CLNK: variants seen among roughly 807,000 people sequenced by gnomAD.
The protein encoded by CLNK is cytokine dependent hematopoietic cell linker, also known as cytokine-dependent hematopoietic cell linker.
A neutral mutation model predicts 68.6 loss-of-function variants in CLNK; 74 were observed. The ratio of observed to expected loss-of-function variants is 1.08; its 90% CI spans 0.89 to 1.31. The LOEUF (loss-of-function observed/expected upper bound fraction) is 1.31. Ranked by LOEUF, CLNK falls within the 50% of genes most tolerant of loss-of-function variation. The probability of loss-of-function intolerance (pLI) is 0.00; values close to 1 mark genes in which losing one functional copy is unlikely to be tolerated. For synonymous variants in CLNK, 198 were observed against 172.2 expected (o/e 1.15, Z -1.17); for missense variants, 553 against 515.3 (o/e 1.07, Z -0.71).
At chr4:10,643,790 C>G (rs540726449) in intron 2 of CLNK, among the ~76,000 whole-genome samples, 73 of 152,320 alleles carry the variant, frequency 4.8e-4, no homozygotes, top group African/African-American at 1.7e-3. Flanking sequence ...GAAATTCCAC[C>G]ATGACATCTT....
intron 2 of CLNK, among the ~76,000 whole-genome samples, chr4:10,635,587 G>A (rs1205110514): frequency 6.6e-6 from 1 of 152,132 alleles, no homozygotes; most frequent in Non-Finnish European, 1.5e-5. Flanking sequence ...GCAAAAAAAT[G>A]GAAGAGAGCG....
chr4:10,642,728 A>C (rs1201392056), intron 2 of CLNK, among the ~76,000 whole-genome samples: 1 of 152,240 alleles, frequency 6.6e-6, no homozygotes, highest in Non-Finnish European at 1.5e-5. Flanking sequence ...GTGCACTGTC[A>C]TTTAATAGCT....
chr4:10,665,587 C>T (rs558529575), intron 2 of CLNK, among the ~76,000 whole-genome samples: 8 of 145,618 alleles, frequency 5.5e-5, no homozygotes, highest in East Asian at 4.0e-4. Context: ...TCACTTGAAC[C>T]AGGGAGTTGG....
At chr4:10,720,318 G>A in the CLNK span, among the ~76,000 whole-genome samples, 1 of 151,724 alleles carries the variant, frequency 6.6e-6, no homozygotes, top group Non-Finnish European at 1.5e-5. Context: ...GACAAAAAAC[G>A]AACACAAATT....
intron 2 of CLNK, among the ~76,000 whole-genome samples, chr4:10,620,656 C>T (rs183926501): frequency 7.2e-5 from 11 of 152,250 alleles, no homozygotes; most frequent in Admixed American, 5.2e-4. Flanking sequence ...CCTTCTTTAG[C>T]GTGGGGTGCC....
chr4:10,527,855 T>C (rs1255562937), intron 13 of CLNK, among the ~76,000 whole-genome samples: 1 of 152,174 alleles, frequency 6.6e-6, no homozygotes, highest in Non-Finnish European at 1.5e-5. Context: ...GAAAGACATC[T>C]GGCCTATCCT....
intron 2 of CLNK, chr4:10,598,723 C>T (rs1225529673): frequency 4.8e-6 from 2 of 420,546 alleles, no homozygotes; most frequent in Non-Finnish European, 9.6e-6. Context: ...TTATGCATTC[C>T]TAGTTCATTT....
intron 3 of CLNK, among the ~76,000 whole-genome samples, chr4:10,593,490 A>G (rs1721267232): frequency 6.6e-6 from 1 of 152,090 alleles, no homozygotes; most frequent in Admixed American, 6.5e-5. Flanking sequence ...CCCCATCTCT[A>G]CTAAAAATAC....
the CLNK span, chr4:10,692,096 C>T: frequency 5.3e-5 from 8 of 151,976 alleles, no homozygotes; most frequent in Admixed American, 1.3e-4. Context: ...AATCACTTCC[C>T]TCTCTTTAAG....
chr4:10,579,117 C>G (rs1017259113), intron 4 of CLNK, among the ~76,000 whole-genome samples: 1 of 152,110 alleles, frequency 6.6e-6, no homozygotes, highest in Non-Finnish European at 1.5e-5. Context: ...CAGTTTTTGT[C>G]TTTTAGGAAC....
At chr4:10,522,477 G>A (rs1718118938) in intron 14 of CLNK, among the ~76,000 whole-genome samples, 1 of 150,882 alleles carries the variant, frequency 6.6e-6, no homozygotes, top group African/African-American at 2.4e-5. Context: ...GGGAGGCTGA[G>A]GCGGGAGAAT....
chr4:10,633,081 G>C (rs1263387515), intron 2 of CLNK, among the ~76,000 whole-genome samples: 1 of 152,122 alleles, frequency 6.6e-6, no homozygotes. Flanking sequence ...GGGATTACAG[G>C]CATGTGCTAC....
chr4:10,634,396 G>A (rs753627584), intron 2 of CLNK, among the ~76,000 whole-genome samples: 3 of 152,130 alleles, frequency 2.0e-5, no homozygotes, highest in South Asian at 2.1e-4. Context: ...TGCTGTGTGC[G>A]CTCGGCTCTT....
chr4:10,568,942 T>C lies in CLNK; in HGVS notation c.151-2792A>G, dbSNP rs570432480. Among the ~76,000 whole-genome samples, 9 of 152,344 alleles carry C rather than the reference T, an allele frequency of 5.9e-5. No individual in the cohort carries two copies. In the South Asian group the frequency reaches 1.9e-3, roughly 32 times the overall value. On this transcript the variant is annotated intron_variant, in intron 5 of 18. Coordinates refer to ENST00000226951, the MANE Select transcript of CLNK (RefSeq NM_052964.4). ...CAAATGCAATTATTTGGGTCTTTAC[T>C]GTGAAGGGTGGGGCCTCAAGAAGTG... is the stretch of plus-strand genomic sequence containing the variant.
At chr4:10,669,268 C>G (rs1236562739) in intron 1 of CLNK, among the ~76,000 whole-genome samples, 1 of 152,164 alleles carries the variant, frequency 6.6e-6, no homozygotes, top group Admixed American at 6.5e-5. Context: ...TTCCTGCATC[C>G]CTCCGTGACA....
At chr4:10,531,385 A>G (rs968695600) in intron 12 of CLNK, 3 of 152,988 alleles carry the variant, frequency 2.0e-5, no homozygotes, top group Non-Finnish European at 4.4e-5. Flanking sequence ...TATCACATCA[A>G]CTTTGCACAG....
At chr4:10,708,411 G>A in the CLNK span, among the ~76,000 whole-genome samples, 1 of 151,894 alleles carries the variant, frequency 6.6e-6, no homozygotes, top group Non-Finnish European at 1.5e-5. Context: ...TACAAATGAG[G>A]AATCTGAATG....
At chr4:10,509,526 CTT>C (rs34708664) in intron 16 of CLNK, among the ~76,000 whole-genome samples, 120 of 142,248 alleles carry the variant, frequency 8.4e-4, no homozygotes, top group Middle Eastern at 3.6e-3. Flanking sequence ...AAAGTCACCT[CTT>C]TTTTTTTTTT....
intron 2 of CLNK, among the ~76,000 whole-genome samples, chr4:10,640,565 G>GCTAA (rs2108875169): frequency 6.6e-6 from 1 of 152,246 alleles, no homozygotes; most frequent in South Asian, 2.1e-4. Context: ...TTCCTCTATT[G>GCTAA]CTAACTGCTG....
Sources: gnomAD v4.1 joint callset for allele counts (sites outside exome capture counted in the v4.1 genomes callset) on GRCh38, gnomAD v4.1.1 for gene constraint, MANE v1.5 for transcripts, NCBI Gene and HGNC (gene_info 2026-07-23, HGNC 2026-07-21) for gene names.